Variants in NFRKB observed in about 807,000 individuals in gnomAD.
NFRKB encodes the protein nuclear factor related to kappa-B-binding protein.
A neutral mutation model predicts 135.7 loss-of-function variants in NFRKB; 62 were observed. That is an observed-to-expected ratio of 0.46 (90% confidence interval 0.37 to 0.56). NFRKB has a LOEUF of 0.56. Ranked by LOEUF, NFRKB falls within the 20% of genes least tolerant of loss-of-function variation. The pLI is 0.00. For synonymous variants in NFRKB, 678 were observed against 635.6 expected (o/e 1.07, Z -1.00); for missense variants, 1,545 against 1,662.0 (o/e 0.93, Z 1.22).
At chr11:129,888,936 G>T in intron 3 of NFRKB, 141 bp from the exon 4 acceptor site, 3 of 604,802 alleles carry the variant, frequency 5.0e-6, no homozygotes, top group South Asian at 2.4e-5. Context: ...GGCCTTAAGT[G>T]CATTCACATT....
chr11:129,867,277 C>CCG (rs1390694918), intron 24 of NFRKB, among the ~76,000 whole-genome samples: 1 of 151,984 alleles, frequency 6.6e-6, no homozygotes, highest in Admixed American at 6.6e-5. Context: ...GTGCAGTTTC[C>CCG]CGCTTCCTTA....
At chr11:129,890,036 T>G (rs1949480546) in intron 3 of NFRKB, among the ~76,000 whole-genome samples, 1 of 150,638 alleles carries the variant, frequency 6.6e-6, no homozygotes, top group Non-Finnish European at 1.5e-5. Context: ...TTTGTTTTTT[T>G]TTTTTGTTTT....
At position 129,874,621 on chromosome 11, in the gene NFRKB, T is replaced by C. The variant is rs573763400; in HGVS notation, c.1979-41A>G. 1.9e-6 allele frequency: 3 copies of C among 1,609,056 alleles called. No individual in the cohort carries two copies. Among genetic ancestry groups the C allele is most frequent in the Admixed American group, 3.4e-5 (2 of 59,028 alleles). On this transcript the variant is annotated intron_variant, in intron 19 of 26. Coordinates refer to ENST00000682444, the MANE Select transcript of NFRKB (RefSeq NM_001143835.2). The surrounding 1 kb of genome is among the most constrained non-coding windows in gnomAD (Gnocchi z 4.5). Reference sequence around the variant, plus strand: ...GCAAGCTTCAGCCAGAGTTTAACCTTAGCAAACTAAAAAGAGGGGCTTTGT... The same window carrying C: ...GCAAGCTTCAGCCAGAGTTTAACCTCAGCAAACTAAAAAGAGGGGCTTTGT...
rs1012831628 is a variant in NFRKB at position 129,864,002 on chromosome 11, G to T, written c.*723C>A. ...AAGGACAAAGTGGGCAGGTAAAGCT[G>T]GGGGGGGCGGCCACAATCAAGATCC... is the stretch of plus-strand genomic sequence containing the variant. On this transcript the variant is annotated 3_prime_UTR_variant, in exon 27 of 27. Transcript: ENST00000682444. 4 of 151,620 alleles carry T rather than the reference G, an allele frequency of 2.6e-5. No individual in the cohort carries two copies. Among genetic ancestry groups the T allele is most frequent in the African/African-American group, 9.7e-5 (4 of 41,226 alleles). The allele number at this position is 151,620 out of a possible 1,614,324, so 9.4% of individuals were successfully genotyped here.
chr11:129,867,862 T>C (rs980574722), intron 24 of NFRKB, among the ~76,000 whole-genome samples: 3 of 152,164 alleles, frequency 2.0e-5, no homozygotes, highest in Non-Finnish European at 2.9e-5. Context: ...TGTGTGGGGA[T>C]ATGGGGATTT....
chr11:129,866,441 C>T (rs367931737), intron 24 of NFRKB, among the ~76,000 whole-genome samples: 7 of 151,668 alleles, frequency 4.6e-5, no homozygotes, highest in Non-Finnish European at 1.0e-4. Context: ...ATACCTAAAG[C>T]GCACAACTAC....
intron 3 of NFRKB, among the ~76,000 whole-genome samples, chr11:129,890,274 C>T (rs979507528): frequency 2.0e-5 from 3 of 152,076 alleles, no homozygotes; most frequent in Admixed American, 6.5e-5. Context: ...GTCCCAATGC[C>T]CAGGATCTTC....
At chr11:129,887,074 G>C (rs1326662226) in intron 4 of NFRKB, among the ~76,000 whole-genome samples, 1 of 152,250 alleles carries the variant, frequency 6.6e-6, no homozygotes, top group East Asian at 1.9e-4. Context: ...CAGAATTCCA[G>C]ATGTGCTGCC....
intron 9 of NFRKB, 147 bp from the exon 10 acceptor site, chr11:129,882,778 T>A (rs1046953603): frequency 2.4e-6 from 2 of 846,074 alleles, no homozygotes; most frequent in Non-Finnish European, 3.7e-6. Flanking sequence ...ATTCATTGAG[T>A]GATTTATAGC....
intron 5 of NFRKB, 57 bp from the exon 6 acceptor site, chr11:129,885,666 T>C (rs1209736199): frequency 1.7e-5 from 25 of 1,506,640 alleles, no homozygotes; most frequent in Non-Finnish European, 2.1e-5. Flanking sequence ...TCTGGAACAA[T>C]GAACACTCTA....
chr11:129,864,611 C>T lies in NFRKB; in HGVS notation c.*114G>A, dbSNP rs1948101541. ...ATCCAGGCCACCGTTGCCATCACCC[C>T]TCGCCTGGCTGCCTTGAACAGGCAA... On this transcript the variant is annotated 3_prime_UTR_variant, in exon 27 of 27. Transcript: ENST00000682444. 6 of 1,477,878 alleles carry T rather than the reference C, an allele frequency of 4.1e-6. No homozygotes were observed. The highest frequency in any genetic ancestry group is 4.6e-6 in the Non-Finnish European group (5 of 1,086,214). The allele number at this position is 1,477,878 out of a possible 1,614,324, so 91.5% of individuals were successfully genotyped here. A position where few individuals can be genotyped will look rare whatever the true frequency, so the allele number is the denominator to read the frequency against.
At chr11:129,872,043 A>G (rs1400945481) in intron 23 of NFRKB, among the ~76,000 whole-genome samples, 1 of 151,994 alleles carries the variant, frequency 6.6e-6, no homozygotes, top group African/African-American at 2.4e-5. Flanking sequence ...TTATCTCCCA[A>G]TCATCACTTC....
Position 129,866,713 on chromosome 11 carries a change from G to C in NFRKB, c.3532-730C>G, listed in dbSNP as rs546355117. On this transcript the variant is annotated intron_variant, in intron 24 of 26. Coordinates refer to ENST00000682444, the MANE Select transcript of NFRKB (RefSeq NM_001143835.2). ...TAGGTCACTGCATTACCTGTTTTCA[G>C]ATGGCCTTGATTTTAATGCTTGACT... Among the ~76,000 whole-genome samples, 4 of 152,302 alleles carry C rather than the reference G, an allele frequency of 2.6e-5. No homozygotes were observed. The South Asian group carries it at 8.3e-4, about 32-fold the overall frequency.
At position 129,864,675 on chromosome 11, in the gene NFRKB, G is replaced by A. The variant is rs1246612240; in HGVS notation, c.*50C>T. On this transcript the variant is annotated 3_prime_UTR_variant, in exon 27 of 27. Coordinates refer to ENST00000682444, the MANE Select transcript of NFRKB (RefSeq NM_001143835.2). ...ATGCAACCTCCCTGGTCCCTTCTCA[G>A]CCAGGACAGACCAGGCATGGTCTTT... 1.2e-6 allele frequency: 2 copies of A among 1,612,372 alleles called. No individual in the cohort carries two copies. The highest frequency in any genetic ancestry group is 1.7e-6 in the Non-Finnish European group (2 of 1,179,440).
Position 129,882,154 on chromosome 11 carries a change from T to A in NFRKB, c.1123A>T (p.Ile375Leu). 8 of 1,613,498 alleles carry A rather than the reference T, an allele frequency of 5.0e-6. No individual in the cohort carries two copies. Among genetic ancestry groups the A allele is most frequent in the Non-Finnish European group, 6.8e-6 (8 of 1,179,842 alleles). Reference protein sequence around the residue: ...DLKPCLGINEISSSFFSLLLE... With the variant: ...DLKPCLGINELSSSFFSLLLE... ...AGAAGAGAGAAGAAGCTGGAAGATA[T>A]TTCATTGATTCCAAGGCAAGGCTTG... is the stretch of plus-strand genomic sequence containing the variant. Residue 375 changes from isoleucine (I) to leucine (L), a missense_variant, in exon 11 of 27, where the codon ATA (isoleucine) becomes TTA (leucine). By Grantham distance (5) the Ile-to-Leu change is conservative. Around this residue, in one of 3 missense-constraint regions of NFRKB, gnomAD observed 678 missense variants for 646.7 expected, o/e 1.05. Coordinates refer to ENST00000682444, the MANE Select transcript of NFRKB (RefSeq NM_001143835.2).
chr11:129,865,964 A>T lies in NFRKB; in HGVS notation c.3551T>A (p.Ile1184Asn), dbSNP rs774648859. The T allele has an allele frequency of 6.2e-7, 1 of 1,612,194 alleles. No individual in the cohort carries two copies. The change falls in exon 25 of 27, where the codon ATC becomes AAC. Residue 1184 changes from isoleucine (I) to asparagine (N), a missense_variant. This residue lies in a region of NFRKB where 753 missense variants were observed against 804.3 expected (regional missense o/e 0.94). Transcript: ENST00000682444. ...TSQAGKLPTR[I>N]TVPLSVISQP... ...GCTGATCACAGAGAGGGGAACTGTG[A>T]TCCGTGTAGGCAACTTCCCCTAGAA...
chr11:129,891,873 T>C (rs1490409183), intron 3 of NFRKB, among the ~76,000 whole-genome samples: 1 of 152,210 alleles, frequency 6.6e-6, no homozygotes, highest in African/African-American at 2.4e-5. Flanking sequence ...AAAGAAATAC[T>C]GCAACTATTA....
intron 24 of NFRKB, among the ~76,000 whole-genome samples, chr11:129,866,247 A>C (rs1310306993): frequency 1.3e-5 from 2 of 152,150 alleles, no homozygotes; most frequent in Non-Finnish European, 2.9e-5. Context: ...TGCTTTCAAC[A>C]GGATAAAACC....
chr11:129,873,769 G>A lies in NFRKB; in HGVS notation c.2526C>T (p.Ala842=), dbSNP rs948688636. ...AGPQIRVPAT[A]TQTKVVPQTV... ...CCTGGGGCACTACTTTGGTCTGTGT[G>A]GCAGTGGCTGGAACCCGGATCTGCG... is the stretch of plus-strand genomic sequence containing the variant. Residue 842 remains alanine (A), a synonymous_variant, in exon 22 of 27, where the codon GCC becomes GCT. Transcript: ENST00000682444. 6.2e-7 allele frequency: 1 copy of A among 1,614,102 alleles called. No individual in the cohort carries two copies. The highest frequency in any genetic ancestry group is 8.5e-7 in the Non-Finnish European group (1 of 1,179,966).
Sources: allele counts gnomAD v4.1 joint callset (sites outside exome capture counted in the v4.1 genomes callset), GRCh38; gene constraint gnomAD v4.1.1; regional missense constraint gnomAD v4.1.1; non-coding constraint Gnocchi (gnomAD v3.1); transcripts MANE v1.5; gene names NCBI Gene and HGNC (gene_info 2026-07-23, HGNC 2026-07-21).